Variants in WDR54 observed in about 807,000 individuals in gnomAD.
The protein encoded by WDR54 is WD repeat-containing protein 54.
In WDR54, 44 loss-of-function variants were observed where a neutral mutation model predicts 44.1. That is an observed-to-expected ratio of 1.00 (90% CI 0.78 to 1.28). The LOEUF is 1.28. Among genes scored for constraint, WDR54 ranks in the 50% most tolerant of loss-of-function variants. The pLI is 0.00. For missense variants in WDR54, 409 were observed against 429.7 expected (o/e 0.95, Z 0.43); for synonymous variants, 169 against 169.8 (o/e 1.00, Z 0.04).
chr2:74,421,739 T>G lies in WDR54; in HGVS notation c.-79T>G. On this transcript the variant is annotated 5_prime_UTR_variant, in exon 1 of 10. Transcript: ENST00000348227. ...ACCCCGCCCAAGGGCCGTGCGTACG[T>G]GCGTCGTCTCTATGGTGGCGGCGGA... is the stretch of plus-strand genomic sequence containing the variant. The G allele has an allele frequency of 1.7e-6, 1 of 598,958 alleles. No individual in the cohort carries two copies. The allele number at this position is 598,958 out of a possible 1,614,324, so 37.1% of individuals were successfully genotyped here. A position where few individuals can be genotyped will look rare whatever the true frequency, so the allele number is the denominator to read the frequency against.
At chr2:74,421,871 C>T in intron 1 of WDR54, 55 bp downstream of exon 1, 1 of 630,328 alleles carries the variant, frequency 1.6e-6, no homozygotes, top group Non-Finnish European at 2.9e-6. Context: ...AGGGAGAAAG[C>T]CTTGGGGGCT....
At chr2:74,424,108 C>T in intron 6 of WDR54, 126 bp downstream of exon 6, 1 of 1,153,828 alleles carries the variant, frequency 8.7e-7, no homozygotes, top group South Asian at 1.5e-5. Flanking sequence ...TTTTCCTAGT[C>T]TTCAGCAACC....
At position 74,421,742 on chromosome 2, in the gene WDR54, G is replaced by A. The variant is rs912547858; in HGVS notation, c.-76G>A. 8.3e-6 allele frequency: 5 copies of A among 601,200 alleles called. No homozygotes were observed. The highest frequency in any genetic ancestry group is 3.9e-5 in the African/African-American group (2 of 51,808). The allele number at this position is 601,200 out of a possible 1,614,324, so 37.2% of individuals were successfully genotyped here. On this transcript the variant is annotated 5_prime_UTR_variant, in exon 1 of 10. Transcript: ENST00000348227. ...CCGCCCAAGGGCCGTGCGTACGTGCGTCGTCTCTATGGTGGCGGCGGATTT... is the reference window on the plus strand; with the variant it reads ...CCGCCCAAGGGCCGTGCGTACGTGCATCGTCTCTATGGTGGCGGCGGATTT...
At position 74,422,866 on chromosome 2, in the gene WDR54, C is replaced by T; in HGVS notation, c.223-4C>T. The T allele has an allele frequency of 6.2e-7, 1 of 1,613,896 alleles. No homozygotes were observed. The highest frequency in any genetic ancestry group is 1.1e-5 in the South Asian group (1 of 91,068). ...TCTCCCTACACTGATGCACCTCCCT[C>T]CAGGTCCACTGGTGTGTCCTCCCCT... On this transcript the variant is annotated splice_polypyrimidine_tract_variant and splice_region_variant and intron_variant, in intron 2 of 9. Transcript: ENST00000348227.
intron 6 of WDR54, 99 bp downstream of exon 6, chr2:74,424,081 C>A: frequency 6.8e-7 from 1 of 1,476,972 alleles, no homozygotes; most frequent in Non-Finnish European, 9.2e-7. Flanking sequence ...AGGTGGATGG[C>A]TTTGGGCAAA....
At position 74,421,776 on chromosome 2, in the gene WDR54, C is replaced by T. The variant is rs527690590; in HGVS notation, c.-42C>T. On this transcript the variant is annotated 5_prime_UTR_variant, in exon 1 of 10. Coordinates refer to ENST00000348227, the MANE Select transcript of WDR54 (RefSeq NM_032118.4). ...ATGGTGGCGGCGGATTTGGAGGGACCCTACGAACCAGGAGTCAGGCGAGCC... is the reference window on the plus strand; with the variant it reads ...ATGGTGGCGGCGGATTTGGAGGGACTCTACGAACCAGGAGTCAGGCGAGCC... 1.5e-6 allele frequency: 1 copy of T among 665,028 alleles called. No individual in the cohort carries two copies. The highest frequency in any genetic ancestry group is 2.8e-6 in the Non-Finnish European group (1 of 360,168). The allele number at this position is 665,028 out of a possible 1,614,324, so 41.2% of individuals were successfully genotyped here.
In WDR54 at chr2:74,421,805, C is replaced by A; in HGVS notation, c.-13C>A. On this transcript the variant is annotated 5_prime_UTR_variant, in exon 1 of 10. In the 5' UTR this introduces an upstream ATG that the reference lacks. Coordinates refer to ENST00000348227, the MANE Select transcript of WDR54 (RefSeq NM_032118.4). ...CGAACCAGGAGTCAGGCGAGCCGAT[C>A]TGGGGCTGCAGGTGTTACCTCTGAT... The A allele has an allele frequency of 1.5e-6, 1 of 676,566 alleles. No individual in the cohort carries two copies. Among genetic ancestry groups the A allele is most frequent in the Non-Finnish European group, 2.7e-6 (1 of 367,874 alleles). 41.9% of individuals were successfully genotyped at this position (676,566 alleles called of 1,614,324 possible).
intron 2 of WDR54, 108 bp downstream of exon 2, chr2:74,422,483 C>A: frequency 7.8e-7 from 1 of 1,289,634 alleles, no homozygotes; most frequent in Admixed American, 2.4e-5. Context: ...TCTCCCCAGG[C>A]ATGTCCTAAC....
chr2:74,424,000 A>G lies in WDR54; in HGVS notation c.534+18A>G, dbSNP rs972837743. Reference sequence around the variant, plus strand: ...AGGGACAGGTGAGTGGACTTCCCCTACCCATCTGGGAGCCTTCCCCACCCT... The same window carrying G: ...AGGGACAGGTGAGTGGACTTCCCCTGCCCATCTGGGAGCCTTCCCCACCCT... On this transcript the variant is annotated intron_variant, in intron 6 of 9. Transcript: ENST00000348227. The G allele has an allele frequency of 1.9e-6, 3 of 1,613,444 alleles. No individual in the cohort carries two copies. The Admixed American group carries it at 5.0e-5, about 27-fold the overall frequency.
Position 74,423,994 on chromosome 2 carries a change from T to G in WDR54, c.534+12T>G, listed in dbSNP as rs1332257303. ...CTGCCCAGGGACAGGTGAGTGGACT[T>G]CCCCTACCCATCTGGGAGCCTTCCC... is the stretch of plus-strand genomic sequence containing the variant. On this transcript the variant is annotated intron_variant, in intron 6 of 9. Transcript: ENST00000348227. 6.2e-7 allele frequency: 1 copy of G among 1,613,772 alleles called. No individual in the cohort carries two copies.
chr2:74,423,237 G>A (rs1670203283), intron 3 of WDR54, 82 bp from the exon 4 acceptor site: 1 of 1,495,200 alleles, frequency 6.7e-7, no homozygotes, highest in Admixed American at 1.7e-5. Flanking sequence ...GGATTAAATG[G>A]GCTAAGGCTA....
rs767151286 is a variant in WDR54, at chr2:74,425,626, TTG to T, written c.933_934del (p.Cys311Ter). 4 of 1,614,226 alleles carry T rather than the reference TTG, an allele frequency of 2.5e-6. No individual in the cohort carries two copies. The South Asian group carries it at 3.3e-5, about 13-fold the overall frequency. On this transcript the variant is annotated frameshift_variant, in exon 10 of 10. Transcript: ENST00000348227. LOFTEE classifies it high-confidence loss of function. Reference protein sequence around the residue: ...ADTQLCGARFCDSSGNSFAVT... With the variant: ...ADTQLCGARFXDSSGNSFAVT... ...ACACCCAGCTGTGTGGTGCTCGATT[TTG>T]TGATTCCTCAGGCAACTCCTTTGCT...
chr2:74,423,964 C>G lies in WDR54; in HGVS notation c.516C>G (p.Thr172=). The change falls in exon 6 of 10, where the codon ACC becomes ACG. Residue 172 remains threonine (T), a synonymous_variant. Coordinates refer to ENST00000348227, the MANE Select transcript of WDR54 (RefSeq NM_032118.4). ...GHQMPITDIA[T]EPAQGQDCVA... is the part of the protein sequence containing the mutation. ...AGATGCCAATCACAGACATTGCCACCGAGCCTGCCCAGGGACAGGTGAGTG... is the reference window on the plus strand; with the variant it reads ...AGATGCCAATCACAGACATTGCCACGGAGCCTGCCCAGGGACAGGTGAGTG... 6.2e-7 allele frequency: 1 copy of G among 1,614,112 alleles called. No individual in the cohort carries two copies. The highest frequency in any genetic ancestry group is 8.5e-7 in the Non-Finnish European group (1 of 1,180,014).
chr2:74,422,433 T>C (rs1670152726), intron 2 of WDR54, 58 bp downstream of exon 2: 2 of 1,530,016 alleles, frequency 1.3e-6, no homozygotes, highest in Non-Finnish European at 8.9e-7. Context: ...CAGCCTTTTC[T>C]CTCCAAACCT....
rs2103848427 is a variant in WDR54, at chr2:74,421,759, G to A, written c.-59G>A. ...GTACGTGCGTCGTCTCTATGGTGGCGGCGGATTTGGAGGGACCCTACGAAC... is the reference window on the plus strand; with the variant it reads ...GTACGTGCGTCGTCTCTATGGTGGCAGCGGATTTGGAGGGACCCTACGAAC... On this transcript the variant is annotated 5_prime_UTR_variant, in exon 1 of 10. Transcript: ENST00000348227. The A allele has an allele frequency of 1.6e-6, 1 of 642,820 alleles. No homozygotes were observed. Among genetic ancestry groups the A allele is most frequent in the Non-Finnish European group, 2.9e-6 (1 of 349,446 alleles). The allele number at this position is 642,820 out of a possible 1,614,324, so 39.8% of individuals were successfully genotyped here. A position where few individuals can be genotyped will look rare whatever the true frequency, so the allele number is the denominator to read the frequency against.
Position 74,425,551 on chromosome 2 carries a change from G to A in WDR54, c.874-19G>A, listed in dbSNP as rs775721780. The A allele has an allele frequency of 1.6e-5, 26 of 1,614,096 alleles. No homozygotes were observed. The highest frequency in any genetic ancestry group is 2.2e-5 in the East Asian group (1 of 44,896). On this transcript the variant is annotated intron_variant, in intron 9 of 9. Transcript: ENST00000348227. ...CAAGCATGGGGCAGCAGGCCCTGAC[G>A]AGCCCTCTGCTCCCCCAGGTGGAAC...
Position 74,423,545 on chromosome 2 carries a change from G to A in WDR54, c.406+14G>A, listed in dbSNP as rs775848282. 2 of 1,613,770 alleles carry A rather than the reference G, an allele frequency of 1.2e-6. No individual in the cohort carries two copies. The highest frequency in any genetic ancestry group is 1.1e-5 in the South Asian group (1 of 91,024). ...TCATCTGTGTGGGTGAGGGAGCCAA[G>A]TGCAGGGCATGGAGGGGTGCTGGGG... On this transcript the variant is annotated intron_variant, in intron 5 of 9. Coordinates refer to ENST00000348227, the MANE Select transcript of WDR54 (RefSeq NM_032118.4).
intron 6 of WDR54, 104 bp from the exon 7 acceptor site, chr2:74,424,771 C>T: frequency 4.8e-6 from 7 of 1,451,886 alleles, no homozygotes; most frequent in Non-Finnish European, 6.7e-6. Flanking sequence ...TGCCCTTTCC[C>T]TGGAGAGGCA....
intron 9 of WDR54, 33 bp downstream of exon 9, chr2:74,425,524 C>G (rs1421255480): frequency 1.2e-6 from 2 of 1,614,122 alleles, no homozygotes; most frequent in Non-Finnish European, 8.5e-7. Flanking sequence ...AATGGGGGGG[C>G]CCAAGCATGG....
Sources: allele counts gnomAD v4.1 joint callset, GRCh38; gene constraint gnomAD v4.1.1; transcripts MANE v1.5; gene names NCBI Gene and HGNC (gene_info 2026-07-23, HGNC 2026-07-21).